ATXN2L: variants seen among roughly 807,000 people sequenced by gnomAD.
ATXN2L encodes ataxin-2-like protein.
In ATXN2L, 24 loss-of-function variants were observed where a neutral mutation model predicts 120.7. The ratio of observed to expected loss-of-function variants is 0.20; its 90% confidence interval spans 0.14 to 0.28. ATXN2L has a LOEUF of 0.28. Among genes scored for constraint, ATXN2L ranks in the 10% least tolerant of loss-of-function variants. The pLI, the probability that ATXN2L is intolerant of heterozygous loss-of-function variation, is 1.00. For missense variants in ATXN2L, 1,312 were observed against 1,432.3 expected (o/e 0.92, Z 1.36); for synonymous variants, 653 against 568.1 (o/e 1.15, Z -2.13).
chr16:28,833,410 G>A (rs202133008), intron 14 of ATXN2L, 29 bp from the exon 15 acceptor site: 143 of 1,614,072 alleles, frequency 8.9e-5, no homozygotes, highest in Middle Eastern at 1.6e-4. Flanking sequence ...AGAGCAAGCC[G>A]TGAAGATTTA....
chr16:28,834,240 G>T, intron 16 of ATXN2L, 29 bp downstream of exon 16: 6 of 1,611,106 alleles, frequency 3.7e-6, no homozygotes, highest in South Asian at 1.1e-5. Context: ...CGGGCCCAGG[G>T]TTAGCGGGGT....
chr16:28,834,708 G>T lies in ATXN2L; in HGVS notation c.2433+15G>T. 6.3e-7 allele frequency: 1 copy of T among 1,598,416 alleles called. No homozygotes were observed. Among genetic ancestry groups the T allele is most frequent in the Non-Finnish European group, 8.5e-7 (1 of 1,169,712 alleles). On this transcript the variant is annotated intron_variant, in intron 18 of 21. Transcript: ENST00000336783. ...ACCCCTCACAGGTGACTGCGGCCCA[G>T]GAGGGCAGTGAGGATCCAGGGCCCC...
chr16:28,837,164 C>G lies in ATXN2L; in HGVS notation c.*899C>G. ...CAGATGCCCCACGAGGATGGCTGGA[C>G]AAGGACTTTTACTTTTTATTACATA... On this transcript the variant is annotated 3_prime_UTR_variant, in exon 22 of 22. Transcript: ENST00000336783. 4.2e-6 allele frequency: 1 copy of G among 237,994 alleles called. No individual in the cohort carries two copies. 14.7% of individuals were successfully genotyped at this position (237,994 alleles called of 1,614,324 possible).
chr16:28,828,755 T>G (rs1215786596), intron 6 of ATXN2L, among the ~76,000 whole-genome samples: 1 of 152,134 alleles, frequency 6.6e-6, no homozygotes, highest in East Asian at 1.9e-4. Flanking sequence ...GTTTTTGTTT[T>G]TGTTTTTTTT....
chr16:28,825,275 G>T (rs2051434429), intron 1 of ATXN2L, 91 bp from the exon 2 acceptor site: 1 of 1,177,814 alleles, frequency 8.5e-7, no homozygotes, highest in Non-Finnish European at 1.3e-6. Flanking sequence ...AGCATCATCA[G>T]GTGGTATATA....
chr16:28,825,499 A>T, intron 2 of ATXN2L, 97 bp downstream of exon 2: 1 of 1,532,648 alleles, frequency 6.5e-7, no homozygotes, highest in South Asian at 1.1e-5. Context: ...AGTCTAATGT[A>T]CTCAGGAGGG....
In ATXN2L at chr16:28,825,677, T is replaced by A; in HGVS notation, c.390T>A (p.Val130=). ...NSRMLHFLTA[V]VGSTCDVKVK... ...GAATGCTGCATTTCCTTACAGCTGT[T>A]GTGGTAAGTTGGTACTTAACCCCCG... Residue 130 remains valine (V), a synonymous_variant, in exon 3 of 22, where the codon GTT becomes GTA. Transcript: ENST00000336783. 21 of 1,614,164 alleles carry A rather than the reference T, an allele frequency of 1.3e-5. No homozygotes were observed. Among genetic ancestry groups the A allele is most frequent in the Non-Finnish European group, 1.8e-5 (21 of 1,179,964 alleles).
Position 28,833,486 on chromosome 16 carries a change from C to CTTG in ATXN2L, c.2004_2005insTGT (p.Pro668_Thr669insCys). On this transcript the variant is annotated inframe_insertion, in exon 15 of 22. Transcript: ENST00000336783. ...AACCCTAATGCTAAGGAGTTCAATC[C>CTTG]TACAAAGCCTCTGCTGTCTGTGGTG... 1 of 1,614,180 alleles carries CTTG rather than the reference C, an allele frequency of 6.2e-7. No individual in the cohort carries two copies. The highest frequency in any genetic ancestry group is 8.5e-7 in the Non-Finnish European group (1 of 1,180,030).
intron 1 of ATXN2L, chr16:28,824,712 C>T (rs1273898770): frequency 3.1e-5 from 19 of 607,028 alleles, no homozygotes; most frequent in South Asian, 4.8e-5. Flanking sequence ...GGAGCTTTTG[C>T]CCTCACAGCT....
intron 5 of ATXN2L, 159 bp downstream of exon 5, chr16:28,826,549 G>C: frequency 1.3e-6 from 1 of 787,060 alleles, no homozygotes. Context: ...GAAGTGGGTG[G>C]ATTTTTCTTC....
At position 28,833,306 on chromosome 16, in the gene ATXN2L, C is replaced by G. The variant is rs564157371; in HGVS notation, c.1907C>G (p.Pro636Arg). ...PPCPSQTGSP[P>R]VGLIKGEDKD... ...TGTCCAAGCCAAACTGGCAGCCCCC[C>G]GGTGGGCCTCATCAAGGGAGAAGAC... The change falls in exon 14 of 22, where the codon CCG (proline) becomes CGG (arginine). Residue 636 changes from proline (P) to arginine (R), a missense_variant. By Grantham distance (103) the Pro-to-Arg change is moderately radical. Transcript: ENST00000336783. 11 of 1,614,094 alleles carry G rather than the reference C, an allele frequency of 6.8e-6. No individual in the cohort carries two copies. In the African/African-American group the frequency reaches 1.3e-4, roughly 20 times the overall value.
In ATXN2L at chr16:28,829,415, C is replaced by A. The variant is rs1449412856; in HGVS notation, c.756C>A (p.Asp252Glu). Residue 252 changes from aspartate to glutamate, a missense_variant, in exon 7 of 22, where the codon GAC becomes GAA. By Grantham distance (45) the Asp-to-Glu change is conservative. Transcript: ENST00000336783. ...DLESDMSNGW[D>E]PNEMFKFNEE... Reference sequence around the variant, plus strand: ...TCCCTCCCCAGTCCAATGGATGGGACCCCAATGAAATGTTCAAGTTCAATG... The same window carrying A: ...TCCCTCCCCAGTCCAATGGATGGGAACCCAATGAAATGTTCAAGTTCAATG... The A allele has an allele frequency of 6.2e-7, 1 of 1,612,696 alleles. No individual in the cohort carries two copies. Among genetic ancestry groups the A allele is most frequent in the South Asian group, 1.1e-5 (1 of 91,056 alleles).
intron 11 of ATXN2L, 44 bp downstream of exon 11, chr16:28,832,443 G>A (rs2054839686): frequency 1.2e-6 from 2 of 1,612,260 alleles, no homozygotes; most frequent in East Asian, 4.5e-5. Flanking sequence ...TATTTAGTGT[G>A]ATTTGTGGTT....
chr16:28,827,720 G>A lies in ATXN2L; in HGVS notation c.741+734G>A, dbSNP rs139500564. ...TGTGCCACTGGACTCCAGTCTGAGC[G>A]ACAGTGAGGATGTCTCAAAAAAATA... On this transcript the variant is annotated intron_variant, in intron 6 of 21. Coordinates refer to ENST00000336783, the MANE Select transcript of ATXN2L (RefSeq NM_007245.4). 9.9e-5 allele frequency among the ~76,000 whole-genome samples: 15 copies of A among 152,212 alleles called. No homozygotes were observed. In the East Asian group the frequency reaches 2.5e-3, roughly 26 times the overall value.
In ATXN2L at chr16:28,830,671, T is replaced by A; in HGVS notation, c.1091T>A (p.Val364Asp). The change falls in exon 9 of 22, where the codon GTT becomes GAT. Residue 364 changes from valine to aspartate, a missense_variant. Coordinates refer to ENST00000336783, the MANE Select transcript of ATXN2L (RefSeq NM_007245.4). ...GTCCGGGAAGGTCCCCGGGGAGGAG[T>A]TCGATGCAGCAGCTCTCGGGGCGGT... ...QRVREGPRGG[V>D]RCSSSRGGRP... 6.2e-7 allele frequency: 1 copy of A among 1,611,682 alleles called. No homozygotes were observed. Among genetic ancestry groups the A allele is most frequent in the Non-Finnish European group, 8.5e-7 (1 of 1,179,212 alleles).
chr16:28,823,663 G>A, intron 1 of ATXN2L, 105 bp downstream of exon 1: 1 of 1,126,254 alleles, frequency 8.9e-7, no homozygotes, highest in Non-Finnish European at 1.1e-6. Flanking sequence ...GCACCGGCTG[G>A]GTGGGGAGTC....
chr16:28,834,976 G>A (rs777982520), intron 18 of ATXN2L, 82 bp from the exon 19 acceptor site: 25 of 1,521,880 alleles, frequency 1.6e-5, no homozygotes, highest in African/African-American at 6.9e-5. Context: ...AGGCCCAAGC[G>A]GTGCTGTGCA....
At chr16:28,824,111 T>C (rs1197641438) in intron 1 of ATXN2L, 9 of 1,016,376 alleles carry the variant, frequency 8.9e-6, no homozygotes, top group East Asian at 1.1e-4. Flanking sequence ...CTGGGAGGAC[T>C]GCGGGCCGGG....
intron 18 of ATXN2L, 138 bp from the exon 19 acceptor site, chr16:28,834,920 T>C: frequency 7.9e-7 from 1 of 1,264,044 alleles, no homozygotes; most frequent in Non-Finnish European, 1.1e-6. Flanking sequence ...TAGTGTCTGC[T>C]GGGTGGGATC....
Sources: allele counts gnomAD v4.1 joint callset (sites outside exome capture counted in the v4.1 genomes callset), GRCh38; gene constraint gnomAD v4.1.1; transcripts MANE v1.5; gene names NCBI Gene and HGNC (gene_info 2026-07-23, HGNC 2026-07-21).